CDH11: variants seen among roughly 807,000 people sequenced by gnomAD.
CDH11 encodes the protein cadherin-11.
Under a neutral mutation model 67.8 loss-of-function variants are expected in CDH11, and 11 were observed. That is an observed-to-expected ratio of 0.16 (90% CI 0.10 to 0.27). CDH11 has a LOEUF of 0.27. Among genes scored for constraint, CDH11 ranks in the 10% least tolerant of loss-of-function variants. The probability of loss-of-function intolerance (pLI) is 1.00; values close to 1 mark genes in which losing one functional copy is unlikely to be tolerated. For synonymous variants in CDH11, 419 were observed against 400.0 expected (o/e 1.05, Z -0.57); for missense variants, 847 against 1,031.2 (o/e 0.82, Z 2.45).
chr16:64,971,697 C>A lies in CDH11; in HGVS notation c.1525-1G>T. 1 of 1,597,794 alleles carries A rather than the reference C, an allele frequency of 6.3e-7. No homozygotes were observed. Among genetic ancestry groups the A allele is most frequent in the Non-Finnish European group, 8.6e-7 (1 of 1,166,138 alleles). Reference sequence around the variant, plus strand: ...CATCTGCACTAATTGTAACAATTGGCTGAAAGAGAAAGGTGGCCCATAAAT... The same window carrying A: ...CATCTGCACTAATTGTAACAATTGGATGAAAGAGAAAGGTGGCCCATAAAT... On this transcript the variant is annotated splice_acceptor_variant, in intron 10 of 12. Coordinates refer to ENST00000268603, the MANE Select transcript of CDH11 (RefSeq NM_001797.4). LOFTEE classifies it high-confidence loss of function.
intron 2 of CDH11, among the ~76,000 whole-genome samples, chr16:65,006,638 T>C (rs1366917829): frequency 6.6e-6 from 1 of 152,166 alleles, no homozygotes; most frequent in Non-Finnish European, 1.5e-5. Context: ...TCCCAGAGTG[T>C]CACAACATAG....
At position 64,945,309 on chromosome 16, in the gene CDH11, AAAAAAAAAAAG is replaced by A. The variant is rs2071176403; in HGVS notation, c.*2283_*2293del. The A allele has an allele frequency of 6.1e-6, 4 of 653,988 alleles. No individual in the cohort carries two copies. Among genetic ancestry groups the A allele is most frequent in the South Asian group, 6.8e-5 (1 of 14,806 alleles). 40.5% of individuals were successfully genotyped at this position (653,988 alleles called of 1,614,324 possible). A position where few individuals can be genotyped will look rare whatever the true frequency, so the allele number is the denominator to read the frequency against. On this transcript the variant is annotated 3_prime_UTR_variant, in exon 13 of 13. Transcript: ENST00000268603. ...AACGAAAAAATAAAAGGTAAAAAAA[AAAAAAAAAAAG>A]AAAAAGAAAAACAAGTATTCTTAAC... is the stretch of plus-strand genomic sequence containing the variant.
chr16:64,950,857 G>T lies in CDH11; in HGVS notation c.1804C>A (p.Leu602Ile). 1 of 1,614,210 alleles carries T rather than the reference G, an allele frequency of 6.2e-7. No homozygotes were observed. Among genetic ancestry groups the T allele is most frequent in the Non-Finnish European group, 8.5e-7 (1 of 1,180,044 alleles). ...VCGCDVNGALLSCNAEAYILN... is the reference protein window; with the variant it reads ...VCGCDVNGALISCNAEAYILN... Reference sequence around the variant, plus strand: ...ATGTAGGCCTCTGCGTTGCAGGAGAGCAGTGCCCCGTTCACGTCGCACCCG... The same window carrying T: ...ATGTAGGCCTCTGCGTTGCAGGAGATCAGTGCCCCGTTCACGTCGCACCCG... Residue 602 changes from leucine (L) to isoleucine (I), a missense_variant, in exon 12 of 13, where the codon CTC (leucine) becomes ATC (isoleucine). This residue lies in a region of CDH11 where 612 missense variants were observed against 678.7 expected (regional missense o/e 0.90). Transcript: ENST00000268603.
At chr16:65,028,390 T>A (rs957341547) in intron 2 of CDH11, among the ~76,000 whole-genome samples, 1 of 152,088 alleles carries the variant, frequency 6.6e-6, no homozygotes, top group Non-Finnish European at 1.5e-5. Flanking sequence ...TGGTGGCACC[T>A]CTGCATCATC....
intron 2 of CDH11, among the ~76,000 whole-genome samples, chr16:65,044,029 T>C (rs1348765993): frequency 2.6e-5 from 4 of 152,150 alleles, no homozygotes; most frequent in Non-Finnish European, 5.9e-5. Flanking sequence ...TTTAAAGTGC[T>C]GTGCAGAAAA....
chr16:64,962,941 T>C (rs1273484468), intron 11 of CDH11, among the ~76,000 whole-genome samples: 1 of 152,154 alleles, frequency 6.6e-6, no homozygotes, highest in Non-Finnish European at 1.5e-5. Context: ...GGCCCAGTCA[T>C]AGGACTATGG....
At chr16:64,997,715 A>C (rs1216460849) in intron 4 of CDH11, among the ~76,000 whole-genome samples, 1 of 152,214 alleles carries the variant, frequency 6.6e-6, no homozygotes. Context: ...ATTTTCTGGC[A>C]TAAAAAGCTC....
intron 4 of CDH11, among the ~76,000 whole-genome samples, 162 bp from the exon 5 acceptor site, chr16:64,993,196 A>ACCTCCCTTCCTTCCTTCCTT (rs1555516114): frequency 6.8e-6 from 1 of 147,102 alleles, no homozygotes; most frequent in South Asian, 2.2e-4. Flanking sequence ...CAGCCAACCA[A>ACCTCCCTTCCTTCCTTCCTT]CCTTCCTTCC....
intron 2 of CDH11, among the ~76,000 whole-genome samples, chr16:65,035,708 C>T (rs905539563): frequency 2.0e-5 from 3 of 152,146 alleles, no homozygotes; most frequent in African/African-American, 7.2e-5. Context: ...CTTTCATGAA[C>T]ATTAGCTCAT....
At chr16:64,983,180 C>G (rs1297718478) in intron 7 of CDH11, 1 of 150,130 alleles carries the variant, frequency 6.7e-6, no homozygotes, top group East Asian at 2.0e-4. Flanking sequence ...TAAAGATGGT[C>G]TATTTAAAGA....
intron 11 of CDH11, among the ~76,000 whole-genome samples, chr16:64,970,603 G>A (rs2071979237): frequency 6.6e-6 from 1 of 152,174 alleles, no homozygotes; most frequent in African/African-American, 2.4e-5. Flanking sequence ...TGGTATTTAT[G>A]GTACTGATGA....
chr16:65,021,876 G>GA (rs35700448), intron 2 of CDH11, among the ~76,000 whole-genome samples: 56,022 of 109,638 alleles, frequency 0.51, 14,121 homozygotes, highest in East Asian at 0.75. Context: ...AAGTAACTCA[G>GA]AAAAAAAAAA....
At chr16:65,040,978 T>A (rs2073856761) in intron 2 of CDH11, among the ~76,000 whole-genome samples, 1 of 152,190 alleles carries the variant, frequency 6.6e-6, no homozygotes, top group African/African-American at 2.4e-5. Context: ...AGAAGCAACC[T>A]CATAGCCATC....
chr16:65,035,017 G>A (rs1021677531), intron 2 of CDH11, among the ~76,000 whole-genome samples: 1 of 152,332 alleles, frequency 6.6e-6, no homozygotes, highest in Admixed American at 6.5e-5. Context: ...GAACTGACCC[G>A]AGAGGCCTGA....
chr16:65,030,491 A>C lies in CDH11; in HGVS notation c.-173+23313T>G, dbSNP rs76499452. 0.017 allele frequency among the ~76,000 whole-genome samples: 2,551 copies of C among 152,330 alleles called. 111 individuals are homozygous for C. The East Asian group carries it at 0.17, about 10-fold the overall frequency. ...TTTTTAACTATCTTCCTATGAACTC[A>C]GAGTGCCCATGCGTAGTCCTCACAA... On this transcript the variant is annotated intron_variant, in intron 2 of 12. Coordinates refer to ENST00000268603, the MANE Select transcript of CDH11 (RefSeq NM_001797.4).
chr16:64,984,224 C>T lies in CDH11; in HGVS notation c.1000-1923G>A, dbSNP rs139059438. Among the ~76,000 whole-genome samples, 14 of 152,242 alleles carry T rather than the reference C, an allele frequency of 9.2e-5. No individual in the cohort carries two copies. In the South Asian group the frequency reaches 1.9e-3, roughly 20 times the overall value. The stretch of plus-strand genomic sequence containing the variant: ...GGCAGCCCTTCATTTCCCTCCCCAG[C>T]GAGGTGGGGGTTGGAGTGGAATGGA... On this transcript the variant is annotated intron_variant, in intron 7 of 12. Transcript: ENST00000268603.
chr16:65,036,605 GTTC>G (rs779213170), intron 2 of CDH11, among the ~76,000 whole-genome samples: 3 of 152,236 alleles, frequency 2.0e-5, no homozygotes, highest in East Asian at 1.9e-4. Context: ...AAAGGGGCCT[GTTC>G]TTCTTCCATT....
At chr16:64,950,634 A>T in intron 12 of CDH11, 133 bp downstream of exon 12, 1 of 282,040 alleles carries the variant, frequency 3.5e-6, no homozygotes, top group South Asian at 9.8e-5. Flanking sequence ...CCCGTACCCC[A>T]CTTCTTTTCT....
intron 2 of CDH11, among the ~76,000 whole-genome samples, chr16:65,015,955 G>C (rs947329595): frequency 3.3e-5 from 5 of 152,166 alleles, no homozygotes; most frequent in African/African-American, 1.2e-4. Context: ...GGGTCCCCAT[G>C]TATCCATCCA....
Sources: gnomAD v4.1 joint callset for allele counts (sites outside exome capture counted in the v4.1 genomes callset) on GRCh38, gnomAD v4.1.1 for gene constraint, gnomAD v4.1.1 regional missense constraint, MANE v1.5 for transcripts, NCBI Gene and HGNC (gene_info 2026-07-23, HGNC 2026-07-21) for gene names.